PCDHGB1: variants seen among roughly 807,000 people sequenced by gnomAD.
The protein encoded by PCDHGB1 is protocadherin gamma subfamily B, 1, also known as protocadherin gamma-B1.
A neutral mutation model predicts 56.6 loss-of-function variants in PCDHGB1; 34 were observed. The ratio of observed to expected loss-of-function variants is 0.60; its 90% CI spans 0.46 to 0.80. PCDHGB1 has a LOEUF of 0.80. PCDHGB1 is among the 30% of genes least tolerant of loss of function. The pLI, the probability that PCDHGB1 is intolerant of heterozygous loss-of-function variation, is 0.00. For missense variants in PCDHGB1, 1,278 were observed against 1,204.6 expected, an observed-to-expected ratio of 1.06 and a Z score of -0.90; for synonymous variants, 561 against 505.9, an observed-to-expected ratio of 1.11 and a Z score of -1.46.
chr5:141,408,279 A>G (rs1313502495), intron 1 of PCDHGB1: 1 of 1,612,184 alleles, frequency 6.2e-7, no homozygotes, highest in Admixed American at 1.7e-5. Flanking sequence ...CCTTTGTTCT[A>G]CCCCACCCTG....
Position 141,511,201 on chromosome 5 carries a change from G to A in PCDHGB1, c.*28G>A, listed in dbSNP as rs2099883661. On this transcript the variant is annotated 3_prime_UTR_variant, in exon 4 of 4. Transcript: ENST00000523390. ...TGGAGGCCAGGCCAAGAGCCACAGG[G>A]CGGCCTCTCCCCAACCAGCCCAGCT... 2 of 1,612,600 alleles carry A rather than the reference G, an allele frequency of 1.2e-6. No homozygotes were observed. The highest frequency in any genetic ancestry group is 1.7e-6 in the Non-Finnish European group (2 of 1,179,344).
chr5:141,367,545 T>TAAAA (rs1466224811), intron 1 of PCDHGB1: 1 of 145,462 alleles, frequency 6.9e-6, no homozygotes, highest in African/African-American at 2.5e-5. Flanking sequence ...TCAAAATAAA[T>TAAAA]AAATAAATAA....
In PCDHGB1 at chr5:141,351,653, G is replaced by A. The variant is rs1425916218; in HGVS notation, c.1393G>A (p.Ala465Thr). 3 of 1,613,996 alleles carry A rather than the reference G, an allele frequency of 1.9e-6. No homozygotes were observed. In the South Asian group the frequency reaches 3.3e-5, roughly 18 times the overall value. ...CGTGTCTGAGAACAACCCACCTGGC[G>A]CCTCCATTGCACAAGTAAGCGCCTC... Reference protein sequence around the residue: ...VHVSENNPPGASIAQVSASDP... With the variant: ...VHVSENNPPGTSIAQVSASDP... The change falls in exon 1 of 4, where the codon GCC becomes ACC. Residue 465 changes from alanine (A) to threonine (T), a missense_variant. By Grantham distance (58) the Ala-to-Thr change is moderately conservative. Coordinates refer to ENST00000523390, the MANE Select transcript of PCDHGB1 (RefSeq NM_018922.3).
intron 1 of PCDHGB1, among the ~76,000 whole-genome samples, chr5:141,353,062 T>C (rs1005254102): frequency 6.6e-6 from 1 of 152,162 alleles, no homozygotes; most frequent in Non-Finnish European, 1.5e-5. Flanking sequence ...TTTCTTTCAT[T>C]GTTCTAGTGA....
At chr5:141,374,592 T>C in intron 1 of PCDHGB1, 1 of 1,613,700 alleles carries the variant, frequency 6.2e-7, no homozygotes, top group Admixed American at 1.7e-5. Context: ...CTTCAGGGAT[T>C]TAAGCTCAGT....
rs1033462327 is a variant in PCDHGB1, at chr5:141,352,402, C to T, written c.2142C>T (p.Ser714=). The T allele has an allele frequency of 1.7e-5, 27 of 1,613,928 alleles. No homozygotes were observed. Among genetic ancestry groups the T allele is most frequent in the African/African-American group, 6.7e-5 (5 of 74,934 alleles). The part of the protein sequence containing the change: ...ILAIALRLRR[S]SSLDTEGCFQ... ...CGATCGCCCTGCGCCTGCGACGTTC[C>T]TCCAGCCTCGACACTGAGGGCTGCT... Residue 714 remains serine (S), a synonymous_variant, in exon 1 of 4, where the codon TCC becomes TCT. Coordinates refer to ENST00000523390, the MANE Select transcript of PCDHGB1 (RefSeq NM_018922.3).
rs754329108 is a variant in PCDHGB1 at position 141,408,309 on chromosome 5, C to T, written c.2409+55640C>T. 1.8e-5 allele frequency: 29 copies of T among 1,613,698 alleles called. No individual in the cohort carries two copies. The highest frequency in any genetic ancestry group is 2.0e-5 in the Non-Finnish European group (24 of 1,179,730). On this transcript the variant is annotated intron_variant, in intron 1 of 3. Transcript: ENST00000523390. ...ACCCTGAGTGAGCCGATCCGCTACT[C>T]GATTCCGGAGGAGCTGGCCAAGGGC...
chr5:141,372,133 G>T (rs576893125), intron 1 of PCDHGB1: 18 of 1,613,666 alleles, frequency 1.1e-5, no homozygotes, highest in East Asian at 2.2e-5. Flanking sequence ...ATGGTGCCGC[G>T]CTCTGCAGAG....
intron 1 of PCDHGB1, chr5:141,423,881 G>A (rs2096788712): frequency 7.8e-7 from 1 of 1,281,784 alleles, no homozygotes; most frequent in Non-Finnish European, 9.9e-7. Flanking sequence ...TTCAATCTTG[G>A]CATATTTTCT....
At chr5:141,405,489 G>A (rs1008095215) in intron 1 of PCDHGB1, 51 of 894,082 alleles carry the variant, frequency 5.7e-5, no homozygotes, top group Non-Finnish European at 7.7e-5. Context: ...GTGTGATCTC[G>A]GCTCATTGCA....
chr5:141,385,593 C>T lies in PCDHGB1; in HGVS notation c.2409+32924C>T. On this transcript the variant is annotated intron_variant, in intron 1 of 3. Transcript: ENST00000523390. ...ACTTTCCAATCTATGTTCCAACCTA[C>T]TTTCTTAACTCATATATTTTATACA... is the stretch of plus-strand genomic sequence containing the variant. The T allele has an allele frequency of 2.4e-6, 3 of 1,235,054 alleles. No individual in the cohort carries two copies. The South Asian group carries it at 7.5e-5, about 31-fold the overall frequency. The allele number at this position is 1,235,054 out of a possible 1,614,324, so 76.5% of individuals were successfully genotyped here. A position where few individuals can be genotyped will look rare whatever the true frequency, so the allele number is the denominator to read the frequency against.
Position 141,387,739 on chromosome 5 carries a change from C to A in PCDHGB1, c.2409+35070C>A, listed in dbSNP as rs182945836. 5.0e-3 allele frequency: 6,618 copies of A among 1,328,550 alleles called. 35 individuals are homozygous for A. Among genetic ancestry groups the A allele is most frequent in the Admixed American group, 0.01 (369 of 36,562 alleles). The allele number at this position is 1,328,550 out of a possible 1,614,324, so 82.3% of individuals were successfully genotyped here. ...AGACTCCCCAGCGCCAGCCTTTACA[C>A]CGCTTCCTCCTCGGAAAAAGAAGAA... On this transcript the variant is annotated intron_variant, in intron 1 of 3. Transcript: ENST00000523390.
At position 141,485,142 on chromosome 5, in the gene PCDHGB1, A is replaced by C. The variant is rs979255582; in HGVS notation, c.2410-9665A>C. 5 of 1,554,566 alleles carry C rather than the reference A, an allele frequency of 3.2e-6. No homozygotes were observed. The highest frequency in any genetic ancestry group is 3.5e-6 in the Non-Finnish European group (4 of 1,131,592). On this transcript the variant is annotated intron_variant, in intron 1 of 3. Transcript: ENST00000523390. The surrounding 1 kb of genome is among the most constrained non-coding windows in gnomAD (Gnocchi z 5.7). ...GGCGGGTCGGCTTCATCCGCGTCTC[A>C]GGAGCAAGTAGAGAATTAGCGGGCG... is the stretch of plus-strand genomic sequence containing the variant.
Position 141,485,943 on chromosome 5 carries a change from C to CG in PCDHGB1, c.2410-8861dup, listed in dbSNP as rs1562109052. ...ATTAGTGTGTTGGAGAGCGCACCAG[C>CG]GGGCATGGTGCTCATCCAGCTCAAT... On this transcript the variant is annotated intron_variant, in intron 1 of 3. Coordinates refer to ENST00000523390, the MANE Select transcript of PCDHGB1 (RefSeq NM_018922.3). The surrounding 1 kb of genome is among the most constrained non-coding windows in gnomAD (Gnocchi z 5.7). The CG allele has an allele frequency of 1.2e-6, 2 of 1,614,126 alleles. No individual in the cohort carries two copies. Among genetic ancestry groups the CG allele is most frequent in the Non-Finnish European group, 1.7e-6 (2 of 1,180,012 alleles).
At chr5:141,369,807 C>A (rs998139632) in intron 1 of PCDHGB1, among the ~76,000 whole-genome samples, 1 of 152,130 alleles carries the variant, frequency 6.6e-6, no homozygotes, top group Non-Finnish European at 1.5e-5. Flanking sequence ...CTGCCATCAC[C>A]AAAAATAGCT....
chr5:141,388,723 C>T, intron 1 of PCDHGB1: 1 of 1,614,018 alleles, frequency 6.2e-7, no homozygotes, highest in Non-Finnish European at 8.5e-7. Flanking sequence ...ATTACTTTCT[C>T]TTTCAGTGAA....
intron 1 of PCDHGB1, among the ~76,000 whole-genome samples, chr5:141,405,944 A>T (rs1435240635): frequency 6.6e-6 from 1 of 152,130 alleles, no homozygotes; most frequent in East Asian, 1.9e-4. Flanking sequence ...TCATGTTCTC[A>T]TAATAATTAA....
chr5:141,381,417 G>C (rs954058342), intron 1 of PCDHGB1, among the ~76,000 whole-genome samples: 1 of 152,332 alleles, frequency 6.6e-6, no homozygotes, highest in Admixed American at 6.5e-5. Flanking sequence ...GTGGAGAGAC[G>C]AGTACCTCTA....
At chr5:141,357,477 C>T (rs1209475845) in intron 1 of PCDHGB1, 14 of 1,614,102 alleles carry the variant, frequency 8.7e-6, no homozygotes, top group South Asian at 3.3e-5. Context: ...AGGTCTCCCT[C>T]ACCGCGGACT....
Sources: gnomAD v4.1 joint callset for allele counts (sites outside exome capture counted in the v4.1 genomes callset) on GRCh38, gnomAD v4.1.1 for gene constraint, Gnocchi (gnomAD v3.1) non-coding constraint, MANE v1.5 for transcripts, NCBI Gene and HGNC (gene_info 2026-07-23, HGNC 2026-07-21) for gene names.